Variants in FSTL5 observed in about 807,000 individuals in gnomAD.
The protein encoded by FSTL5 is follistatin-related protein 5.
In FSTL5, 62 loss-of-function variants were observed where a neutral mutation model predicts 89.1. The ratio of observed to expected loss-of-function variants is 0.70; its 90% CI spans 0.57 to 0.86. The LOEUF (loss-of-function observed/expected upper bound fraction) is 0.86. Among genes scored for constraint, FSTL5 ranks in the 40% least tolerant of loss-of-function variants. The pLI is 0.00. For missense variants in FSTL5, 1,057 were observed against 1,001.6 expected, an observed-to-expected ratio of 1.06 and a Z score of -0.75; for synonymous variants, 383 against 346.2, an observed-to-expected ratio of 1.11 and a Z score of -1.18.
intron 15 of FSTL5, among the ~76,000 whole-genome samples, chr4:161,433,836 G>C (rs1335481159): frequency 6.6e-6 from 1 of 151,630 alleles, no homozygotes; most frequent in Non-Finnish European, 1.5e-5. Context: ...AAATATCTAG[G>C]AATTAATGAA....
intron 4 of FSTL5, among the ~76,000 whole-genome samples, chr4:161,815,381 C>T (rs1438699678): frequency 1.3e-5 from 2 of 151,744 alleles, no homozygotes; most frequent in African/African-American, 4.8e-5. Flanking sequence ...GAGATATATC[C>T]ACTTGGAGAG....
intron 4 of FSTL5, among the ~76,000 whole-genome samples, chr4:161,829,416 AAAAT>A (rs1188961324): frequency 5.9e-5 from 9 of 151,778 alleles, no homozygotes; most frequent in African/African-American, 7.2e-5. Flanking sequence ...AGCAAATAAA[AAAAT>A]AAACCACTGG....
intron 7 of FSTL5, among the ~76,000 whole-genome samples, chr4:161,634,698 A>G (rs776663820): frequency 2.9e-4 from 44 of 152,310 alleles, no homozygotes; most frequent in Non-Finnish European, 5.4e-4. Context: ...AGCTGAACCA[A>G]TAATCAGAGA....
chr4:161,542,221 C>A (rs28735126), intron 9 of FSTL5, among the ~76,000 whole-genome samples: 14,418 of 151,800 alleles, frequency 0.095, 938 homozygotes, highest in East Asian at 0.32. Flanking sequence ...ATAAAAGAAT[C>A]TAATTATTCT....
At chr4:161,429,223 A>G (rs1400644226) in intron 15 of FSTL5, among the ~76,000 whole-genome samples, 2 of 152,126 alleles carry the variant, frequency 1.3e-5, no homozygotes, top group Non-Finnish European at 2.9e-5. Flanking sequence ...AGATTCCTAA[A>G]GTTTTCCATG....
At chr4:162,077,268 A>T (rs575931703) in intron 2 of FSTL5, among the ~76,000 whole-genome samples, 2 of 151,444 alleles carry the variant, frequency 1.3e-5, no homozygotes, top group African/African-American at 4.8e-5. Flanking sequence ...TAATGAGCCC[A>T]CTCCTACTCC....
At chr4:161,401,848 A>G (rs1469582480) in intron 15 of FSTL5, among the ~76,000 whole-genome samples, 2 of 152,170 alleles carry the variant, frequency 1.3e-5, no homozygotes, top group African/African-American at 4.8e-5. Flanking sequence ...TGTTTATAAT[A>G]GCAAACTGAA....
Position 161,962,541 on chromosome 4 carries a change from CT to C in FSTL5, c.161-41890del, listed in dbSNP as rs199829722. 8.5e-3 allele frequency among the ~76,000 whole-genome samples: 1,252 copies of C among 147,240 alleles called. 16 individuals are homozygous for C. Among genetic ancestry groups the C allele is most frequent in the African/African-American group, 0.028 (1,131 of 40,280 alleles). ...AGTTGCTGCTAATATATCTGTGATT[CT>C]TTTTTTTTTAATTCCTCGGAGTATT... On this transcript the variant is annotated intron_variant, in intron 3 of 15. Coordinates refer to ENST00000306100, the MANE Select transcript of FSTL5 (RefSeq NM_020116.5).
At chr4:162,094,118 G>T (rs192940289) in intron 2 of FSTL5, among the ~76,000 whole-genome samples, 6 of 152,288 alleles carry the variant, frequency 3.9e-5, no homozygotes, top group African/African-American at 1.2e-4. Context: ...GCTGGGCATG[G>T]TAACTCATGC....
chr4:161,963,294 T>C (rs972646630), intron 3 of FSTL5, among the ~76,000 whole-genome samples: 7 of 151,956 alleles, frequency 4.6e-5, no homozygotes, highest in African/African-American at 1.7e-4. Context: ...ATTTTTAAAT[T>C]CCTCACATAT....
intron 2 of FSTL5, among the ~76,000 whole-genome samples, chr4:162,101,480 T>A (rs2111383585): frequency 6.6e-6 from 1 of 152,314 alleles, no homozygotes; most frequent in African/African-American, 2.4e-5. Flanking sequence ...ACAACTGTTC[T>A]GGAAGACAGA....
chr4:161,974,875 A>G (rs1366695228), intron 3 of FSTL5, among the ~76,000 whole-genome samples: 3 of 152,170 alleles, frequency 2.0e-5, no homozygotes, highest in East Asian at 3.9e-4. Flanking sequence ...CTAATAGCCA[A>G]AATCTACAAT....
intron 15 of FSTL5, among the ~76,000 whole-genome samples, chr4:161,416,382 G>T (rs965448860): frequency 6.6e-6 from 1 of 151,966 alleles, no homozygotes; most frequent in Non-Finnish European, 1.5e-5. Flanking sequence ...AGCTTTTTCT[G>T]TTTGTTGTGT....
chr4:161,841,873 C>G (rs1246152700), intron 4 of FSTL5, among the ~76,000 whole-genome samples: 4 of 152,018 alleles, frequency 2.6e-5, no homozygotes, highest in African/African-American at 9.7e-5. Flanking sequence ...CTCTATGGGC[C>G]TTAAGATCGG....
chr4:162,071,638 T>C (rs1729630845), intron 2 of FSTL5, among the ~76,000 whole-genome samples: 1 of 151,722 alleles, frequency 6.6e-6, no homozygotes, highest in South Asian at 2.1e-4. Context: ...CTATAGACCA[T>C]ACAGACCTCA....
chr4:161,551,291 T>A (rs1732203644), intron 8 of FSTL5, among the ~76,000 whole-genome samples: 1 of 150,252 alleles, frequency 6.7e-6, no homozygotes, highest in African/African-American at 2.5e-5. Context: ...TGGTGTGAGA[T>A]GGTATCTCAT....
intron 4 of FSTL5, among the ~76,000 whole-genome samples, chr4:161,898,851 G>C (rs529121102): frequency 1.3e-5 from 2 of 151,842 alleles, no homozygotes; most frequent in Non-Finnish European, 2.9e-5. Flanking sequence ...GGATGGTCTG[G>C]ATCTCCTGAC....
At chr4:162,124,524 G>A (rs902562103) in intron 1 of FSTL5, among the ~76,000 whole-genome samples, 2 of 152,204 alleles carry the variant, frequency 1.3e-5, no homozygotes, top group East Asian at 1.9e-4. Context: ...GACTAGAACC[G>A]GAAAGCATAA....
At chr4:161,594,400 C>T (rs765744619) in intron 7 of FSTL5, among the ~76,000 whole-genome samples, 8 of 152,146 alleles carry the variant, frequency 5.3e-5, no homozygotes, top group Non-Finnish European at 7.4e-5. Context: ...CTTTTCCATA[C>T]GTTCTATGTA....
Sources: gnomAD v4.1 joint callset for allele counts (sites outside exome capture counted in the v4.1 genomes callset) on GRCh38, gnomAD v4.1.1 for gene constraint, MANE v1.5 for transcripts, NCBI Gene and HGNC (gene_info 2026-07-23, HGNC 2026-07-21) for gene names.